The following NPAS3 variants were observed in gnomAD, a reference collection of about 807,000 sequenced individuals.
The protein encoded by NPAS3 is neuronal PAS domain-containing protein 3.
NPAS3 carries 14 observed loss-of-function variants against 73.1 expected under a neutral mutation model. The observed-to-expected ratio is 0.19, with a 90% confidence interval of 0.13 to 0.30. The LOEUF is 0.30. Ranked by LOEUF, NPAS3 falls within the 10% of genes least tolerant of loss-of-function variation. The pLI, the probability that NPAS3 is intolerant of heterozygous loss-of-function variation, is 1.00. For synonymous variants in NPAS3, 620 were observed against 541.5 expected (o/e 1.14, Z -2.01); for missense variants, 1,096 against 1,250.0 (o/e 0.88, Z 1.86).
At chr14:33,125,823 A>C (rs2043405962) in intron 2 of NPAS3, among the ~76,000 whole-genome samples, 1 of 152,210 alleles carries the variant, frequency 6.6e-6, no homozygotes, top group Non-Finnish European at 1.5e-5. Flanking sequence ...CTTATTACTT[A>C]CTTAAAAATA....
intron 1 of NPAS3, among the ~76,000 whole-genome samples, chr14:33,000,356 A>G (rs1327344111): frequency 6.6e-6 from 1 of 152,170 alleles, no homozygotes; most frequent in Admixed American, 6.6e-5. Flanking sequence ...TTGTTTAGCC[A>G]CTGTGTTTCT....
chr14:33,076,034 T>C (rs2041646114), intron 2 of NPAS3, among the ~76,000 whole-genome samples: 1 of 152,232 alleles, frequency 6.6e-6, no homozygotes, highest in South Asian at 2.1e-4. Context: ...TTTTCCATCA[T>C]TATTTATCAC....
chr14:33,411,425 C>A (rs1170868717), intron 4 of NPAS3, among the ~76,000 whole-genome samples: 8 of 152,154 alleles, frequency 5.3e-5, no homozygotes, highest in African/African-American at 1.7e-4. Context: ...TCAGGTGATC[C>A]ACCTGCCTCG....
intron 4 of NPAS3, among the ~76,000 whole-genome samples, chr14:33,392,337 C>T (rs1331920914): frequency 6.6e-6 from 1 of 152,024 alleles, no homozygotes; most frequent in Non-Finnish European, 1.5e-5. Context: ...CATTCACAAC[C>T]TCCCAATGAA....
chr14:33,576,787 A>G (rs1436092021), intron 5 of NPAS3, among the ~76,000 whole-genome samples: 1 of 152,180 alleles, frequency 6.6e-6, no homozygotes, highest in African/African-American at 2.4e-5. Context: ...TGTTTGCGAG[A>G]CATTCCTACC....
intron 1 of NPAS3, among the ~76,000 whole-genome samples, chr14:32,968,694 T>G (rs2037290158): frequency 6.6e-6 from 1 of 152,080 alleles, no homozygotes; most frequent in Admixed American, 6.6e-5. Flanking sequence ...TTGGAGTGCT[T>G]GCCTGGGTGG....
chr14:33,028,620 G>C (rs972049227), intron 1 of NPAS3, among the ~76,000 whole-genome samples: 1 of 152,148 alleles, frequency 6.6e-6, no homozygotes, highest in Non-Finnish European at 1.5e-5. Flanking sequence ...ATCTATGGCA[G>C]TTAGCATAGG....
intron 4 of NPAS3, among the ~76,000 whole-genome samples, chr14:33,522,529 C>T (rs932673733): frequency 5.9e-5 from 9 of 152,084 alleles, no homozygotes; most frequent in African/African-American, 2.2e-4. Context: ...TCTTAACCAT[C>T]ACCATGTACT....
chr14:33,256,452 G>T (rs1260117928), intron 3 of NPAS3, among the ~76,000 whole-genome samples: 1 of 152,010 alleles, frequency 6.6e-6, no homozygotes, highest in Non-Finnish European at 1.5e-5. Flanking sequence ...TCTAAGAAAT[G>T]GTGAATTACT....
chr14:33,537,937 T>C (rs1467120356), intron 4 of NPAS3, among the ~76,000 whole-genome samples: 1 of 152,216 alleles, frequency 6.6e-6, no homozygotes, highest in Non-Finnish European at 1.5e-5. Flanking sequence ...GCTGGTCACC[T>C]TGCCTCAGCC....
At chr14:33,538,280 A>G (rs1714097651) in intron 4 of NPAS3, among the ~76,000 whole-genome samples, 1 of 152,208 alleles carries the variant, frequency 6.6e-6, no homozygotes, top group African/African-American at 2.4e-5. Flanking sequence ...CCACACAATA[A>G]TACCAGAAAA....
At chr14:33,584,493 T>C (rs11849716) in intron 5 of NPAS3, among the ~76,000 whole-genome samples, 15,021 of 151,966 alleles carry the variant, frequency 0.099, 1,426 homozygotes, top group African/African-American at 0.24. Flanking sequence ...TTAAAACTCA[T>C]AGGTTAGAAA....
chr14:33,266,876 A>G (rs2040841059), intron 3 of NPAS3, among the ~76,000 whole-genome samples: 1 of 152,170 alleles, frequency 6.6e-6, no homozygotes, highest in Non-Finnish European at 1.5e-5. Context: ...AGCTTTAGAG[A>G]TAAATATCAA....
intron 4 of NPAS3, among the ~76,000 whole-genome samples, chr14:33,450,115 C>T (rs1248462277): frequency 6.6e-6 from 1 of 152,208 alleles, no homozygotes; most frequent in Non-Finnish European, 1.5e-5. Context: ...GACAAGTTCT[C>T]ATTGGATATA....
intron 5 of NPAS3, among the ~76,000 whole-genome samples, chr14:33,579,547 C>A (rs574091541): frequency 6.6e-6 from 1 of 152,212 alleles, no homozygotes; most frequent in East Asian, 1.9e-4. Context: ...ATGAAGAATT[C>A]AGAATCAATG....
intron 1 of NPAS3, among the ~76,000 whole-genome samples, chr14:33,032,920 A>G (rs1472340807): frequency 6.6e-6 from 1 of 152,102 alleles, no homozygotes; most frequent in African/African-American, 2.4e-5. Flanking sequence ...CTGAGTCAGA[A>G]TTTTTACTGG....
At chr14:33,185,536 A>G (rs1333884510) in intron 2 of NPAS3, among the ~76,000 whole-genome samples, 1 of 152,166 alleles carries the variant, frequency 6.6e-6, no homozygotes, top group African/African-American at 2.4e-5. Context: ...TTAATCTGGC[A>G]TTATCCCTAG....
intron 6 of NPAS3, among the ~76,000 whole-genome samples, chr14:33,685,872 G>A (rs768982091): frequency 6.6e-5 from 10 of 152,276 alleles, no homozygotes; most frequent in Admixed American, 1.3e-4. Flanking sequence ...CACCAGAGCA[G>A]ACACTGGACC....
chr14:33,113,469 G>T (rs2042962813), intron 2 of NPAS3, among the ~76,000 whole-genome samples: 1 of 152,104 alleles, frequency 6.6e-6, no homozygotes, highest in African/African-American at 2.4e-5. Context: ...CTCTCTGTTT[G>T]TCTGTTATTA....
Sources: gnomAD v4.1 joint callset for allele counts (sites outside exome capture counted in the v4.1 genomes callset) on GRCh38, gnomAD v4.1.1 for gene constraint, MANE v1.5 for transcripts, NCBI Gene and HGNC (gene_info 2026-07-23, HGNC 2026-07-21) for gene names.